ESR1: variants seen among roughly 807,000 people sequenced by gnomAD.
ESR1 encodes estrogen receptor.
A neutral mutation model predicts 52.7 loss-of-function variants in ESR1; 12 were observed. The ratio of observed to expected loss-of-function variants is 0.23; its 90% CI spans 0.15 to 0.37. The LOEUF (loss-of-function observed/expected upper bound fraction) is 0.37. Among genes scored for constraint, ESR1 ranks in the 10% least tolerant of loss-of-function variants. The pLI is 1.00. For missense variants in ESR1, 584 were observed against 779.7 expected, an observed-to-expected ratio of 0.75 and a Z score of 2.99; for synonymous variants, 305 against 316.8, an observed-to-expected ratio of 0.96 and a Z score of 0.39.
At chr6:151,933,015 A>C (rs374554527) in intron 3 of ESR1, among the ~76,000 whole-genome samples, 52 of 152,128 alleles carry the variant, frequency 3.4e-4, no homozygotes, top group African/African-American at 1.1e-3. Flanking sequence ...CTTGATGGGG[A>C]TGGCATTGAA....
chr6:152,011,657 C>A lies in ESR1; in HGVS notation c.1098C>A (p.Gly366=). The A allele has an allele frequency of 6.2e-7, 1 of 1,613,088 alleles. No homozygotes were observed. Among genetic ancestry groups the A allele is most frequent in the Non-Finnish European group, 8.5e-7 (1 of 1,179,436 alleles). ...AGGGTTTTTCTTGCTTGTTTTCAGG[C>A]TTTGTGGATTTGACCCTCCATGATC... is the stretch of plus-strand genomic sequence containing the variant. ...HMINWAKRVP[G]FVDLTLHDQV... The change falls in exon 5 of 8, where the codon GGC becomes GGA. Residue 366 remains glycine, a splice_region_variant and synonymous_variant. Coordinates refer to ENST00000206249, the MANE Select transcript of ESR1 (RefSeq NM_000125.4).
chr6:152,033,045 A>T (rs2044880635), intron 5 of ESR1, among the ~76,000 whole-genome samples: 1 of 152,230 alleles, frequency 6.6e-6, no homozygotes, highest in East Asian at 1.9e-4. Flanking sequence ...TGGGGAAAGG[A>T]TTCCCTATTT....
At chr6:151,901,276 G>C (rs185710202) in intron 3 of ESR1, among the ~76,000 whole-genome samples, 13 of 152,272 alleles carry the variant, frequency 8.5e-5, no homozygotes, top group Non-Finnish European at 1.8e-4. Context: ...CCCCAAAACC[G>C]GTCTCACTCC....
intron 4 of ESR1, among the ~76,000 whole-genome samples, chr6:151,991,017 G>A (rs978959080): frequency 2.0e-5 from 3 of 152,028 alleles, no homozygotes; most frequent in Non-Finnish European, 4.4e-5. Flanking sequence ...GAAAGTCTAG[G>A]AACCATACCT....
chr6:151,762,793 G>A (rs561707421), intron 2 of ESR1, among the ~76,000 whole-genome samples: 22 of 152,056 alleles, frequency 1.4e-4, no homozygotes, highest in African/African-American at 4.6e-4. Context: ...GCGAAACTCC[G>A]TCCCTACTAA....
At chr6:151,681,772 C>G (rs1778468993) in intron 1 of ESR1, among the ~76,000 whole-genome samples, 1 of 151,636 alleles carries the variant, frequency 6.6e-6, no homozygotes, top group Admixed American at 6.6e-5. Flanking sequence ...TGGCCCACAG[C>G]TGGACGCGGG....
intron 4 of ESR1, among the ~76,000 whole-genome samples, chr6:151,951,914 C>G (rs549740237): frequency 2.5e-4 from 38 of 152,330 alleles, no homozygotes; most frequent in African/African-American, 8.2e-4. Flanking sequence ...ATCTGTGTGC[C>G]TGTCTCCTCT....
intron 5 of ESR1, among the ~76,000 whole-genome samples, chr6:152,015,617 A>G (rs1009071963): frequency 6.6e-6 from 1 of 152,212 alleles, no homozygotes; most frequent in Non-Finnish European, 1.5e-5. Flanking sequence ...GCTTGTGGCC[A>G]AATCAGAAGA....
intron 6 of ESR1, among the ~76,000 whole-genome samples, chr6:152,081,953 T>C (rs535554887): frequency 5.0e-4 from 76 of 152,048 alleles, no homozygotes; most frequent in African/African-American, 1.8e-3. Flanking sequence ...AAGACACCAA[T>C]AACAGGTACT....
intron 5 of ESR1, among the ~76,000 whole-genome samples, chr6:152,051,723 A>G (rs1486396192): frequency 6.6e-6 from 1 of 152,116 alleles, no homozygotes; most frequent in Non-Finnish European, 1.5e-5. Context: ...ACCATTTCAA[A>G]CTTCTCTTCC....
intron 2 of ESR1, among the ~76,000 whole-genome samples, chr6:151,869,129 C>T (rs535307435): frequency 1.1e-3 from 165 of 152,240 alleles, no homozygotes; most frequent in African/African-American, 3.9e-3. Context: ...GCTCTGATTG[C>T]GAGATCATTT....
chr6:151,708,099 A>G (rs1186231652), intron 2 of ESR1, among the ~76,000 whole-genome samples: 2 of 152,062 alleles, frequency 1.3e-5, no homozygotes, highest in South Asian at 2.1e-4. Context: ...ACAACCCAAT[A>G]TTTACACATG....
intron 4 of ESR1, among the ~76,000 whole-genome samples, chr6:151,961,730 T>C (rs1056349235): frequency 1.6e-4 from 24 of 152,018 alleles, no homozygotes; most frequent in African/African-American, 5.3e-4. Context: ...GGGCAGACAG[T>C]GTGAGAGGTC....
chr6:151,676,100 A>C (rs1778241187), intron 1 of ESR1, among the ~76,000 whole-genome samples: 1 of 152,226 alleles, frequency 6.6e-6, no homozygotes, highest in Admixed American at 6.5e-5. Context: ...GCCAGAATGG[A>C]AGTAGGACAA....
chr6:152,041,420 T>C (rs983282655), intron 5 of ESR1, among the ~76,000 whole-genome samples: 1 of 152,188 alleles, frequency 6.6e-6, no homozygotes, highest in Non-Finnish European at 1.5e-5. Context: ...AAAATCCAAA[T>C]AGGCCTGCTA....
intron 5 of ESR1, among the ~76,000 whole-genome samples, chr6:152,041,512 C>T (rs187661639): frequency 2.0e-5 from 3 of 152,334 alleles, no homozygotes; most frequent in East Asian, 3.9e-4. Flanking sequence ...TCTTGACAGA[C>T]CCCACACCAC....
chr6:152,076,140 C>T (rs2048715697), intron 6 of ESR1, among the ~76,000 whole-genome samples: 1 of 152,168 alleles, frequency 6.6e-6, no homozygotes, highest in African/African-American at 2.4e-5. Context: ...TTGAATTTTA[C>T]TCACATAATT....
chr6:152,070,122 T>C lies in ESR1; in HGVS notation c.1369+8998T>C, dbSNP rs1173745321. Among the ~76,000 whole-genome samples, 2 of 137,178 alleles carry C rather than the reference T, an allele frequency of 1.5e-5. 1 individual carries two copies. The highest frequency in any genetic ancestry group is 6.5e-5 in the African/African-American group (2 of 30,756). 90.0% of individuals were successfully genotyped at this position (137,178 alleles called of 152,430 possible). On this transcript the variant is annotated intron_variant, in intron 6 of 7. Transcript: ENST00000206249. Reference sequence around the variant, plus strand: ...ATAGGTTATGATGTATAAGATAGTGTTGTGATGTATAAGATAGTGCAAAAA... The same window carrying C: ...ATAGGTTATGATGTATAAGATAGTGCTGTGATGTATAAGATAGTGCAAAAA...
chr6:151,730,012 A>T (rs1782122814), intron 2 of ESR1, among the ~76,000 whole-genome samples: 1 of 152,126 alleles, frequency 6.6e-6, no homozygotes. Flanking sequence ...TCCATTCTGA[A>T]TTGTGCCCTA....
Sources: gnomAD v4.1 joint callset for allele counts (sites outside exome capture counted in the v4.1 genomes callset) on GRCh38, gnomAD v4.1.1 for gene constraint, MANE v1.5 for transcripts, NCBI Gene and HGNC (gene_info 2026-07-23, HGNC 2026-07-21) for gene names.